NBAS: variants seen among roughly 807,000 people sequenced by gnomAD.
NBAS encodes the protein NBAS subunit of NRZ tethering complex.
A neutral mutation model predicts 302.5 loss-of-function variants in NBAS; 219 were observed. The observed-to-expected ratio is 0.72, with a 90% CI of 0.65 to 0.81. The LOEUF (loss-of-function observed/expected upper bound fraction) is 0.81, where lower values mean the gene tolerates loss of function less well. Ranked by LOEUF, NBAS falls within the 30% of genes least tolerant of loss-of-function variation. The pLI is 0.00. For synonymous variants in NBAS, 1,118 were observed against 1,021.6 expected (o/e 1.09, Z -1.80); for missense variants, 2,932 against 2,841.6 (o/e 1.03, Z -0.72).
chr2:14,975,414 C>T, the NBAS span, among the ~76,000 whole-genome samples: 1 of 152,256 alleles, frequency 6.6e-6, no homozygotes. Flanking sequence ...CGAATTATTC[C>T]TTCCTGCAAC....
chr2:15,075,855 G>A, the NBAS span, among the ~76,000 whole-genome samples: 4 of 152,158 alleles, frequency 2.6e-5, no homozygotes, highest in Non-Finnish European at 4.4e-5. Flanking sequence ...CTCTAGGAAT[G>A]AAGTTGGTTG....
intron 42 of NBAS, among the ~76,000 whole-genome samples, chr2:15,286,669 G>C (rs1670057934): frequency 6.6e-6 from 1 of 152,220 alleles, no homozygotes; most frequent in African/African-American, 2.4e-5. Flanking sequence ...CCTGGGAAAA[G>C]CCTTTGCTAA....
the NBAS span, among the ~76,000 whole-genome samples, chr2:14,896,077 C>T: frequency 6.6e-6 from 1 of 151,940 alleles, no homozygotes; most frequent in Non-Finnish European, 1.5e-5. Flanking sequence ...CTTTGTCAGG[C>T]AACCATGAAC....
chr2:15,468,639 T>A, intron 16 of NBAS, 106 bp from the exon 17 acceptor site: 2 of 1,338,150 alleles, frequency 1.5e-6, no homozygotes, highest in East Asian at 2.3e-5. Flanking sequence ...ATTACAGCTA[T>A]TTAGGACCTT....
chr2:14,921,903 C>A, the NBAS span, among the ~76,000 whole-genome samples: 63 of 152,314 alleles, frequency 4.1e-4, no homozygotes, highest in Admixed American at 3.9e-3. Context: ...TCTTCCCCAG[C>A]AAAATCCATC....
intron 35 of NBAS, among the ~76,000 whole-genome samples, chr2:15,349,745 G>C (rs1219804150): frequency 6.6e-6 from 1 of 152,178 alleles, no homozygotes; most frequent in East Asian, 1.9e-4. Flanking sequence ...CTTGAGGCCA[G>C]GAGTTCAAGA....
chr2:15,055,005 A>G, the NBAS span, among the ~76,000 whole-genome samples: 32 of 152,314 alleles, frequency 2.1e-4, 1 homozygote, highest in African/African-American at 5.3e-4. Flanking sequence ...AAGTTGTGTA[A>G]CTGTTTAACT....
At chr2:14,951,444 C>A in the NBAS span, among the ~76,000 whole-genome samples, 2 of 152,118 alleles carry the variant, frequency 1.3e-5, no homozygotes, top group African/African-American at 4.8e-5. Flanking sequence ...CATGATAGAT[C>A]AATTACCCAC....
rs756782178 is a variant in NBAS, at chr2:15,352,023, G to A, written c.4148C>T (p.Ala1383Val). 18 of 1,612,208 alleles carry A rather than the reference G, an allele frequency of 1.1e-5. No individual in the cohort carries two copies. The South Asian group carries it at 1.9e-4, about 17-fold the overall frequency. Reference protein sequence around the residue: ...IHHEGGENISASPLTSKAVQE... With the variant: ...IHHEGGENISVSPLTSKAVQE... The stretch of plus-strand genomic sequence containing the variant: ...TACTGCTTTACTAGTTAATGGTGAA[G>A]CACTGATATTTTCCCCTCCTTCATG... The change falls in exon 35 of 52, where the codon GCT becomes GTT. Residue 1383 changes from alanine to valine, a missense_variant. Transcript: ENST00000281513.
the NBAS span, among the ~76,000 whole-genome samples, chr2:15,006,549 G>C: frequency 1.9e-4 from 29 of 152,248 alleles, no homozygotes; most frequent in Non-Finnish European, 4.1e-4. Context: ...ATCTATGCTA[G>C]CGTAAAATAT....
At chr2:14,993,156 C>T in the NBAS span, among the ~76,000 whole-genome samples, 1 of 152,254 alleles carries the variant, frequency 6.6e-6, no homozygotes, top group African/African-American at 2.4e-5. Flanking sequence ...CATATAGCAC[C>T]TCACTGGATT....
chr2:15,197,009 T>C (rs1438505789), intron 48 of NBAS, among the ~76,000 whole-genome samples: 2 of 152,036 alleles, frequency 1.3e-5, no homozygotes, highest in African/African-American at 2.4e-5. Flanking sequence ...AAATAAAAAA[T>C]AGGGCTTTTC....
chr2:14,789,276 T>C, the NBAS span, among the ~76,000 whole-genome samples: 1 of 152,196 alleles, frequency 6.6e-6, no homozygotes, highest in African/African-American at 2.4e-5. Context: ...CCCGACCCCT[T>C]GCGCTTCCCA....
chr2:14,946,791 G>A, the NBAS span, among the ~76,000 whole-genome samples: 1 of 152,058 alleles, frequency 6.6e-6, no homozygotes, highest in African/African-American at 2.4e-5. Context: ...CACAAAACAA[G>A]TCGGAACAAA....
At chr2:15,087,255 CA>C in the NBAS span, among the ~76,000 whole-genome samples, 217 of 138,150 alleles carry the variant, frequency 1.6e-3, no homozygotes, top group Middle Eastern at 6.9e-3. Context: ...CACACACACA[CA>C]CCCCATATTG....
intron 47 of NBAS, among the ~76,000 whole-genome samples, chr2:15,225,383 C>T (rs1667111170): frequency 6.6e-6 from 1 of 152,174 alleles, no homozygotes; most frequent in African/African-American, 2.4e-5. Flanking sequence ...GGCTCAACCT[C>T]ACGAAACATA....
the NBAS span, among the ~76,000 whole-genome samples, chr2:15,106,887 C>G: frequency 2.6e-5 from 4 of 152,104 alleles, no homozygotes; most frequent in African/African-American, 9.7e-5. Context: ...CAATGGAGAA[C>G]TTTGAGAATT....
the NBAS span, among the ~76,000 whole-genome samples, chr2:14,979,140 G>A: frequency 1.3e-5 from 2 of 152,128 alleles, no homozygotes; most frequent in Admixed American, 6.5e-5. Flanking sequence ...AATCCTCAGG[G>A]CGTGTTTGGA....
chr2:15,500,428 T>A (rs11684844), intron 11 of NBAS, among the ~76,000 whole-genome samples: 94,195 of 150,534 alleles, frequency 0.63, 30,208 homozygotes, highest in Non-Finnish European at 0.68. Context: ...GAAGTCAGCG[T>A]TGAACAAAAC....
Sources: allele counts gnomAD v4.1 joint callset (sites outside exome capture counted in the v4.1 genomes callset), GRCh38; gene constraint gnomAD v4.1.1; transcripts MANE v1.5; gene names NCBI Gene and HGNC (gene_info 2026-07-23, HGNC 2026-07-21).